The following NTRK2 variants were observed in gnomAD, a reference collection of about 807,000 sequenced individuals.
NTRK2 encodes the protein neurotrophic receptor tyrosine kinase 2.
In NTRK2, 13 loss-of-function variants were observed where a neutral mutation model predicts 94.5. That is an observed-to-expected ratio of 0.14 (90% confidence interval 0.09 to 0.22). The LOEUF (loss-of-function observed/expected upper bound fraction) is 0.22, where lower values mean the gene tolerates loss of function less well. NTRK2 is among the 10% of genes least tolerant of loss of function. NTRK2 has a pLI of 1.00. For missense variants in NTRK2, 639 were observed against 1,071.2 expected, an observed-to-expected ratio of 0.60 and a Z score of 5.63; for synonymous variants, 372 against 407.4, an observed-to-expected ratio of 0.91 and a Z score of 1.05.
chr9:85,014,917 A>G (rs1036836463), intron 17 of NTRK2, among the ~76,000 whole-genome samples: 9 of 152,194 alleles, frequency 5.9e-5, no homozygotes, highest in Non-Finnish European at 7.3e-5. Context: ...TTTTCTTGAT[A>G]TATTTTAAAA....
chr9:84,911,518 G>T (rs940148586), intron 14 of NTRK2, among the ~76,000 whole-genome samples: 3 of 151,940 alleles, frequency 2.0e-5, no homozygotes, highest in African/African-American at 7.2e-5. Flanking sequence ...CAAAGAATTG[G>T]CCCATTTTGT....
chr9:84,912,829 G>T (rs932167890), intron 14 of NTRK2, among the ~76,000 whole-genome samples: 1 of 151,858 alleles, frequency 6.6e-6, no homozygotes, highest in Non-Finnish European at 1.5e-5. Context: ...TGTTAGCCAG[G>T]ATGGTCTCGA....
rs774853336 is a variant in NTRK2 at position 84,670,699 on chromosome 9, G to T, written c.-50G>T. 6 of 1,586,250 alleles carry T rather than the reference G, an allele frequency of 3.8e-6. No homozygotes were observed. In the Admixed American group the frequency reaches 1.0e-4, roughly 26 times the overall value. On this transcript the variant is annotated 5_prime_UTR_variant, in exon 2 of 19. Coordinates refer to ENST00000277120, the MANE Select transcript of NTRK2 (RefSeq NM_006180.6). ...CCTCCCCGCACGGGTGGGGGAAAGC[G>T]GCCGGTGCAGCGCGGGGACAGGCAC...
At chr9:84,910,682 T>G (rs936684621) in intron 14 of NTRK2, among the ~76,000 whole-genome samples, 3 of 152,182 alleles carry the variant, frequency 2.0e-5, no homozygotes, top group Non-Finnish European at 4.4e-5. Flanking sequence ...TCAAAAATCA[T>G]CTGGGCATAT....
intron 12 of NTRK2, among the ~76,000 whole-genome samples, chr9:84,766,765 C>T (rs767991370): frequency 2.6e-5 from 4 of 151,946 alleles, no homozygotes; most frequent in Non-Finnish European, 5.9e-5. Flanking sequence ...TTAATACATA[C>T]ATTCAACACA....
intron 12 of NTRK2, among the ~76,000 whole-genome samples, chr9:84,778,324 C>T (rs1410861334): frequency 1.3e-5 from 2 of 152,128 alleles, no homozygotes; most frequent in Non-Finnish European, 2.9e-5. Context: ...TGATTTGCTT[C>T]CTTTAAATAA....
At chr9:84,980,348 T>C (rs10868244) in intron 17 of NTRK2, among the ~76,000 whole-genome samples, 14,741 of 152,244 alleles carry the variant, frequency 0.097, 989 homozygotes, top group East Asian at 0.37. Context: ...GGGACTGTTT[T>C]CTTCTTTTGA....
In NTRK2 at chr9:84,690,857, G is replaced by A. The variant is rs185778632; in HGVS notation, c.213-11302G>A. 3.9e-5 allele frequency among the ~76,000 whole-genome samples: 6 copies of A among 152,218 alleles called. No individual in the cohort carries two copies. In the East Asian group the frequency reaches 1.2e-3, roughly 29 times the overall value. On this transcript the variant is annotated intron_variant, in intron 2 of 18. Coordinates refer to ENST00000277120, the MANE Select transcript of NTRK2 (RefSeq NM_006180.6). Reference sequence around the variant, plus strand: ...CTAACCCATTTCTTGAAAACAACTAGTATAGAGTAATTCTATAGTGTCAGC... The same window carrying A: ...CTAACCCATTTCTTGAAAACAACTAATATAGAGTAATTCTATAGTGTCAGC...
intron 17 of NTRK2, among the ~76,000 whole-genome samples, chr9:84,984,502 C>A (rs201759580): frequency 1.3e-5 from 2 of 151,358 alleles, no homozygotes; most frequent in Non-Finnish European, 1.5e-5. Flanking sequence ...AAACAAAAAA[C>A]AAAAAAAAGA....
chr9:84,890,507 A>T (rs753449582), intron 14 of NTRK2, among the ~76,000 whole-genome samples: 3 of 152,220 alleles, frequency 2.0e-5, no homozygotes, highest in Non-Finnish European at 4.4e-5. Flanking sequence ...GAAAATGTAC[A>T]TTGGACTTTC....
chr9:84,766,473 A>G (rs953257406), intron 12 of NTRK2, among the ~76,000 whole-genome samples: 1 of 152,076 alleles, frequency 6.6e-6, no homozygotes. Flanking sequence ...GTGTATGGAG[A>G]GAGATTAAAT....
At chr9:84,942,144 T>C (rs1798677660) in intron 15 of NTRK2, among the ~76,000 whole-genome samples, 1 of 152,232 alleles carries the variant, frequency 6.6e-6, no homozygotes, top group South Asian at 2.1e-4. Context: ...GTGATCATTA[T>C]CCTCTTCATA....
chr9:84,879,483 A>G (rs1258292153), intron 14 of NTRK2, among the ~76,000 whole-genome samples: 1 of 152,172 alleles, frequency 6.6e-6, no homozygotes, highest in Non-Finnish European at 1.5e-5. Context: ...CTATTTTTAT[A>G]TAATTTCTAC....
intron 16 of NTRK2, among the ~76,000 whole-genome samples, chr9:84,948,944 G>C (rs1429564968): frequency 2.0e-5 from 3 of 152,218 alleles, no homozygotes; most frequent in Non-Finnish European, 4.4e-5. Flanking sequence ...TGATCTGTAG[G>C]AGTTTGCTAT....
chr9:84,718,595 T>A (rs991493742), intron 6 of NTRK2, among the ~76,000 whole-genome samples: 5 of 152,140 alleles, frequency 3.3e-5, no homozygotes, highest in Non-Finnish European at 7.4e-5. Flanking sequence ...AAGCTGGTCA[T>A]CTCCGATCTC....
intron 4 of NTRK2, among the ~76,000 whole-genome samples, chr9:84,704,383 C>A (rs369313729): frequency 2.0e-5 from 3 of 151,168 alleles, no homozygotes; most frequent in South Asian, 4.2e-4. Flanking sequence ...CACCTGCCAC[C>A]ACGCCAGGCT....
In NTRK2 at chr9:84,955,446, G is replaced by A. The variant is rs2132977934; in HGVS notation, c.2101G>A (p.Gly701Arg). 3 of 1,614,258 alleles carry A rather than the reference G, an allele frequency of 1.9e-6. No individual in the cohort carries two copies. The highest frequency in any genetic ancestry group is 2.5e-6 in the Non-Finnish European group (3 of 1,180,050). ...RDLATRNCLV[G>R]ENLLVKIGDF... ...TTTGGCCACCAGGAACTGCCTGGTC[G>A]GGGAGAACTTGCTGGTGAAAATCGG... The change falls in exon 17 of 19, where the codon GGG becomes AGG. Residue 701 changes from glycine to arginine, a missense_variant. This residue lies in a region of NTRK2 where 77 missense variants were observed against 203.6 expected (regional missense o/e 0.38). Coordinates refer to ENST00000277120, the MANE Select transcript of NTRK2 (RefSeq NM_006180.6).
intron 14 of NTRK2, among the ~76,000 whole-genome samples, chr9:84,906,023 T>G (rs1291840962): frequency 6.6e-6 from 1 of 152,126 alleles, no homozygotes; most frequent in Non-Finnish European, 1.5e-5. Context: ...TCCAATACTT[T>G]GCATGTGTGA....
intron 14 of NTRK2, among the ~76,000 whole-genome samples, chr9:84,884,765 T>G (rs1410391152): frequency 6.6e-6 from 1 of 152,254 alleles, no homozygotes; most frequent in African/African-American, 2.4e-5. Flanking sequence ...CTTATGATGC[T>G]TGAACAATTT....
Sources: gnomAD v4.1 joint callset for allele counts (sites outside exome capture counted in the v4.1 genomes callset) on GRCh38, gnomAD v4.1.1 for gene constraint, gnomAD v4.1.1 regional missense constraint, MANE v1.5 for transcripts, NCBI Gene and HGNC (gene_info 2026-07-23, HGNC 2026-07-21) for gene names.